The following SH3PXD2B variants were observed in gnomAD, a reference collection of about 807,000 sequenced individuals.
The protein encoded by SH3PXD2B is SH3 and PX domain-containing protein 2B.
Under a neutral mutation model 73.1 loss-of-function variants are expected in SH3PXD2B, and 37 were observed. The observed-to-expected ratio is 0.51, with a 90% CI of 0.39 to 0.67. SH3PXD2B has a LOEUF of 0.67. Ranked by LOEUF, SH3PXD2B falls within the 30% of genes least tolerant of loss-of-function variation. The pLI is 0.00. For synonymous variants in SH3PXD2B, 457 were observed against 480.5 expected, an observed-to-expected ratio of 0.95 and a Z score of 0.64; for missense variants, 1,053 against 1,197.8, an observed-to-expected ratio of 0.88 and a Z score of 1.78.
rs188883472 is a variant in SH3PXD2B, at chr5:172,450,078, G to A, written c.75+4200C>T. The stretch of plus-strand genomic sequence containing the variant: ...GGAAGGGGATTGATGGCAAATGGGC[G>A]TGGGGGATCTTTCTGGGGATGATGG... On this transcript the variant is annotated intron_variant, in intron 1 of 12. Coordinates refer to ENST00000311601, the MANE Select transcript of SH3PXD2B (RefSeq NM_001017995.3). Among the ~76,000 whole-genome samples the A allele has an allele frequency of 2.3e-4, 35 of 152,278 alleles. No homozygotes were observed. The East Asian group carries it at 2.5e-3, about 11-fold the overall frequency.
At chr5:172,332,888 C>T (rs192814491), downstream of SH3PXD2B, among the ~76,000 whole-genome samples, 4 of 151,266 alleles carry the variant, frequency 2.6e-5, no homozygotes, top group Non-Finnish European at 5.9e-5. Context: ...GCAGTCTCTG[C>T]GGCCCAAATG....
Position 172,333,781 on chromosome 5 carries a change from T to C in SH3PXD2B, c.*4588A>G, listed in dbSNP as rs1561886690. The C allele has an allele frequency of 1.6e-6, 2 of 1,288,482 alleles. No individual in the cohort carries two copies. Among genetic ancestry groups the C allele is most frequent in the East Asian group, 5.6e-5 (1 of 17,970 alleles). The allele number at this position is 1,288,482 out of a possible 1,614,324, so 79.8% of individuals were successfully genotyped here. ...AGTGCCCACTGTTCCTGGAGGGAGG[T>C]AAGAAATGGCCTGTTACTTGGAAGC... is the stretch of plus-strand genomic sequence containing the variant. On this transcript the variant is annotated 3_prime_UTR_variant, in exon 13 of 13. Transcript: ENST00000311601.
intron 6 of SH3PXD2B, among the ~76,000 whole-genome samples, chr5:172,367,504 AG>A (rs914047796): frequency 2.6e-5 from 4 of 151,640 alleles, no homozygotes; most frequent in African/African-American, 9.7e-5. Flanking sequence ...CTGGGATTAC[AG>A]TTGTGAGCCA....
rs1756724809 is a variant in SH3PXD2B, at chr5:172,337,275, C to T, written c.*1094G>A. ...TCACAATGAAGCCACTTGGCCACCA[C>T]TTAGCCAGCTTCTATCTCTTCCCTG... On this transcript the variant is annotated 3_prime_UTR_variant, in exon 13 of 13. Coordinates refer to ENST00000311601, the MANE Select transcript of SH3PXD2B (RefSeq NM_001017995.3). 2 of 985,658 alleles carry T rather than the reference C, an allele frequency of 2.0e-6. No individual in the cohort carries two copies. Among genetic ancestry groups the T allele is most frequent in the Non-Finnish European group, 1.2e-6 (1 of 830,182 alleles). The allele number at this position is 985,658 out of a possible 1,614,324, so 61.1% of individuals were successfully genotyped here.
intron 2 of SH3PXD2B, among the ~76,000 whole-genome samples, chr5:172,410,011 C>T (rs903604873): frequency 6.6e-6 from 1 of 152,230 alleles, no homozygotes; most frequent in Non-Finnish European, 1.5e-5. Flanking sequence ...CCACTGTGCC[C>T]GGCCCATACC....
At chr5:172,332,254 TCC>T (rs199649295), downstream of SH3PXD2B, among the ~76,000 whole-genome samples, 58 of 74,246 alleles carry the variant, frequency 7.8e-4, 2 homozygotes, top group South Asian at 5.6e-3. Context: ...ACTTTTTCCT[TCC>T]TTTTTTTTTT....
intron 6 of SH3PXD2B, among the ~76,000 whole-genome samples, chr5:172,364,972 G>A (rs1290108798): frequency 6.6e-6 from 1 of 152,178 alleles, no homozygotes; most frequent in Non-Finnish European, 1.5e-5. Context: ...CATGAGGTCT[G>A]GATTTTTGAT....
At chr5:172,329,255 T>C (rs1178841867), downstream of SH3PXD2B, among the ~76,000 whole-genome samples, 1 of 149,356 alleles carries the variant, frequency 6.7e-6, no homozygotes, top group Non-Finnish European at 1.5e-5. Flanking sequence ...TAAGTTTTTT[T>C]GTATTTTTAG....
chr5:172,388,901 T>C (rs1758111188), intron 4 of SH3PXD2B, among the ~76,000 whole-genome samples: 1 of 152,210 alleles, frequency 6.6e-6, no homozygotes, highest in Admixed American at 6.5e-5. Flanking sequence ...CTGAACCTTC[T>C]TCTGAGGGCT....
intron 5 of SH3PXD2B, among the ~76,000 whole-genome samples, chr5:172,374,334 G>A (rs984458862): frequency 7.2e-5 from 11 of 152,180 alleles, no homozygotes; most frequent in African/African-American, 2.7e-4. Context: ...GAATTCACAG[G>A]GAATAATGAA....
At chr5:172,373,612 CCATCCATCCCTCCACCAGTT>C (rs1278274051) in intron 6 of SH3PXD2B, among the ~76,000 whole-genome samples, 158 bp downstream of exon 6, 2 of 151,260 alleles carry the variant, frequency 1.3e-5, no homozygotes, top group Non-Finnish European at 1.5e-5. Flanking sequence ...ATCCATCCAT[CCATCCATCCCTCCACCAGTT>C]CAGCCACCCC....
intron 11 of SH3PXD2B, among the ~76,000 whole-genome samples, chr5:172,346,745 C>T (rs1197103604): frequency 2.0e-5 from 3 of 152,006 alleles, no homozygotes; most frequent in East Asian, 3.9e-4. Flanking sequence ...CGCTGCATGG[C>T]ACGCAACAGG....
intron 6 of SH3PXD2B, among the ~76,000 whole-genome samples, chr5:172,372,958 T>A (rs2113351745): frequency 6.6e-6 from 1 of 152,366 alleles, no homozygotes; most frequent in Admixed American, 6.5e-5. Context: ...GTTGGGCCAC[T>A]GTTTATATAA....
rs1756698392 is a variant in SH3PXD2B at position 172,336,592 on chromosome 5, G to A, written c.*1777C>T. 3.0e-6 allele frequency: 3 copies of A among 985,826 alleles called. No homozygotes were observed. Among genetic ancestry groups the A allele is most frequent in the South Asian group, 4.7e-5 (1 of 21,282 alleles). The allele number at this position is 985,826 out of a possible 1,614,324, so 61.1% of individuals were successfully genotyped here. A position where few individuals can be genotyped will look rare whatever the true frequency, so the allele number is the denominator to read the frequency against. ...GCTGTTCAAGCAAAACTTTGGCACT[G>A]CAGGTAGACACTGAGCATCCCCCCA... is the stretch of plus-strand genomic sequence containing the variant. On this transcript the variant is annotated 3_prime_UTR_variant, in exon 13 of 13. Transcript: ENST00000311601.
rs202035580 is a variant in SH3PXD2B, at chr5:172,416,678, GTCTCTC to G, written c.156+5732_156+5737del. Among the ~76,000 whole-genome samples, 907 of 111,790 alleles carry G rather than the reference GTCTCTC, an allele frequency of 8.1e-3. 13 individuals are homozygous for G. The highest frequency in any genetic ancestry group is 0.02 in the African/African-American group (487 of 24,758). The allele number at this position is 111,790 out of a possible 152,430, so 73.3% of individuals were successfully genotyped here. A position where few individuals can be genotyped will look rare whatever the true frequency, so the allele number is the denominator to read the frequency against. On this transcript the variant is annotated intron_variant, in intron 2 of 12. Transcript: ENST00000311601. ...AAGGACCTTTTCATAGAGACTGTGA[GTCTCTC>G]TCTCTCTCTCTCTTTTTTTTTTTTT... is the stretch of plus-strand genomic sequence containing the variant.
At chr5:172,428,363 A>G (rs556655574) in intron 1 of SH3PXD2B, among the ~76,000 whole-genome samples, 1 of 152,232 alleles carries the variant, frequency 6.6e-6, no homozygotes, top group Non-Finnish European at 1.5e-5. Context: ...GCAAAGTGAA[A>G]CCAGGAGGAG....
chr5:172,451,331 T>C (rs1266016857), intron 1 of SH3PXD2B, among the ~76,000 whole-genome samples: 1 of 152,220 alleles, frequency 6.6e-6, no homozygotes, highest in East Asian at 1.9e-4. Context: ...TCTCAAAAAC[T>C]GACTTTATAG....
At chr5:172,380,598 G>GAA (rs1429519989) in intron 5 of SH3PXD2B, among the ~76,000 whole-genome samples, 8 of 152,144 alleles carry the variant, frequency 5.3e-5, no homozygotes, top group Non-Finnish European at 1.2e-4. Flanking sequence ...AAGACACTAA[G>GAA]AACAAAAACA....
At chr5:172,454,186 C>A (rs1019553296) in intron 1 of SH3PXD2B, 92 bp downstream of exon 1, 4 of 1,081,812 alleles carry the variant, frequency 3.7e-6, no homozygotes, top group Non-Finnish European at 5.3e-6. Context: ...GGACGGGAAG[C>A]GCTGGAGGCA....
Sources: gnomAD v4.1 joint callset for allele counts (sites outside exome capture counted in the v4.1 genomes callset) on GRCh38, gnomAD v4.1.1 for gene constraint, MANE v1.5 for transcripts, NCBI Gene and HGNC (gene_info 2026-07-23, HGNC 2026-07-21) for gene names.